The following ZSWIM6 variants were observed in gnomAD, a reference collection of about 807,000 sequenced individuals.
The protein encoded by ZSWIM6 is zinc finger SWIM-type containing 6.
ZSWIM6 carries 9 observed loss-of-function variants against 113.2 expected under a neutral mutation model. That is an observed-to-expected ratio of 0.08 (90% CI 0.05 to 0.14). The LOEUF (loss-of-function observed/expected upper bound fraction) is 0.14. ZSWIM6 is among the 10% of genes least tolerant of loss of function. The pLI is 1.00. For missense variants in ZSWIM6, 1,162 were observed against 1,552.2 expected, an observed-to-expected ratio of 0.75 and a Z score of 4.22; for synonymous variants, 611 against 606.5, an observed-to-expected ratio of 1.01 and a Z score of -0.11.
chr5:61,387,205 T>C (rs771844030), intron 1 of ZSWIM6, among the ~76,000 whole-genome samples: 1 of 152,220 alleles, frequency 6.6e-6, no homozygotes, highest in Admixed American at 6.5e-5. Context: ...TAAGATACAG[T>C]AAATTGGCTG....
intron 1 of ZSWIM6, among the ~76,000 whole-genome samples, chr5:61,333,608 T>A (rs1282414739): frequency 6.6e-6 from 1 of 150,638 alleles, no homozygotes; most frequent in African/African-American, 2.4e-5. Context: ...TTAAATGTCG[T>A]TTTCTTTGCG....
intron 1 of ZSWIM6, among the ~76,000 whole-genome samples, chr5:61,362,620 A>G (rs565014421): frequency 4.1e-4 from 62 of 152,244 alleles, no homozygotes; most frequent in Non-Finnish European, 5.9e-4. Context: ...TTCATCCTCT[A>G]TCTGCCCTCT....
chr5:61,375,005 G>T, intron 1 of ZSWIM6: 1 of 1,070,250 alleles, frequency 9.3e-7, no homozygotes. Context: ...GGAACACTAT[G>T]AAAAAGAAGA....
intron 3 of ZSWIM6, among the ~76,000 whole-genome samples, chr5:61,493,848 G>A (rs1336546757): frequency 6.6e-6 from 1 of 152,106 alleles, no homozygotes; most frequent in South Asian, 2.1e-4. Flanking sequence ...GTTTAGATAA[G>A]AGAGATACTT....
chr5:61,448,555 G>C (rs1056643638), intron 1 of ZSWIM6, among the ~76,000 whole-genome samples: 1 of 152,070 alleles, frequency 6.6e-6, no homozygotes, highest in African/African-American at 2.4e-5. Context: ...TAGTTTTCTA[G>C]TAAATGAGAT....
In ZSWIM6 at chr5:61,382,170, G is replaced by A. The variant is rs574804378; in HGVS notation, c.676+49222G>A. On this transcript the variant is annotated intron_variant, in intron 1 of 13. Coordinates refer to ENST00000252744, the MANE Select transcript of ZSWIM6 (RefSeq NM_020928.2). ...TCCTGCATGCTGTGTCATGCATGCC[G>A]ATTCTCTCCACACATAGCTGTCAGT... Among the ~76,000 whole-genome samples, 4 of 152,266 alleles carry A rather than the reference G, an allele frequency of 2.6e-5. No individual in the cohort carries two copies. In the East Asian group the frequency reaches 5.8e-4, roughly 22 times the overall value.
chr5:61,339,099 T>C (rs1479715791), intron 1 of ZSWIM6, among the ~76,000 whole-genome samples: 1 of 152,234 alleles, frequency 6.6e-6, no homozygotes, highest in Non-Finnish European at 1.5e-5. Flanking sequence ...TACACTCATA[T>C]TCACGGTTAA....
intron 1 of ZSWIM6, chr5:61,375,882 T>A: frequency 2.1e-6 from 2 of 953,316 alleles, no homozygotes; most frequent in South Asian, 3.0e-5. Context: ...GATTCCCTTA[T>A]AAAGAAAGTG....
At chr5:61,532,393 ATG>A (rs1348006030) in intron 9 of ZSWIM6, among the ~76,000 whole-genome samples, 1 of 152,174 alleles carries the variant, frequency 6.6e-6, no homozygotes, top group Non-Finnish European at 1.5e-5. Context: ...GAAAAGGTAA[ATG>A]TAATTCATGT....
At chr5:61,416,162 C>A (rs1416916136) in intron 1 of ZSWIM6, among the ~76,000 whole-genome samples, 1 of 152,142 alleles carries the variant, frequency 6.6e-6, no homozygotes, top group African/African-American at 2.4e-5. Flanking sequence ...CTGAATTAAT[C>A]CAGATTCTTG....
chr5:61,407,229 C>G (rs903223531), intron 1 of ZSWIM6, among the ~76,000 whole-genome samples: 1 of 152,132 alleles, frequency 6.6e-6, no homozygotes, highest in Non-Finnish European at 1.5e-5. Flanking sequence ...ATAAAGGTAG[C>G]ATTTCCAATC....
chr5:61,398,945 C>G (rs1169024670), intron 1 of ZSWIM6, among the ~76,000 whole-genome samples: 1 of 96,904 alleles, frequency 1.0e-5, no homozygotes, highest in Non-Finnish European at 1.9e-5. Flanking sequence ...TTTTTTGAGA[C>G]AGAATCTCGC....
At chr5:61,426,890 CAG>C (rs1316158999) in intron 1 of ZSWIM6, among the ~76,000 whole-genome samples, 2 of 150,878 alleles carry the variant, frequency 1.3e-5, no homozygotes, top group Non-Finnish European at 2.9e-5. Context: ...GTGTCCTTCT[CAG>C]GGTATCACAT....
chr5:61,456,528 G>A (rs1399247536), intron 1 of ZSWIM6, among the ~76,000 whole-genome samples: 1 of 152,188 alleles, frequency 6.6e-6, no homozygotes, highest in Non-Finnish European at 1.5e-5. Context: ...AAGTGGTCCA[G>A]GTAGCGTTTA....
chr5:61,342,969 TC>T (rs780261801), intron 1 of ZSWIM6, among the ~76,000 whole-genome samples: 12 of 152,344 alleles, frequency 7.9e-5, no homozygotes, highest in Non-Finnish European at 1.8e-4. Flanking sequence ...TTGATCATCT[TC>T]CATGAGATGT....
chr5:61,401,415 A>T lies in ZSWIM6; in HGVS notation c.676+68467A>T, dbSNP rs151301317. 1.2e-3 allele frequency among the ~76,000 whole-genome samples: 180 copies of T among 152,282 alleles called. 2 individuals are homozygous for T. The East Asian group carries it at 0.025, about 21-fold the overall frequency. On this transcript the variant is annotated intron_variant, in intron 1 of 13. Transcript: ENST00000252744. Reference sequence around the variant, plus strand: ...AAAAGCAATTCATAAAGAGAAACATACTGAAGTCTTACTCCAGATATCCTG... The same window carrying T: ...AAAAGCAATTCATAAAGAGAAACATTCTGAAGTCTTACTCCAGATATCCTG...
chr5:61,433,475 G>GT (rs548695220), intron 1 of ZSWIM6, among the ~76,000 whole-genome samples: 51,659 of 143,570 alleles, frequency 0.36, 9,196 homozygotes, highest in African/African-American at 0.41. Flanking sequence ...AGACTTAGTT[G>GT]TTTTTTTTTT....
chr5:61,384,854 G>C (rs1013264276), intron 1 of ZSWIM6, among the ~76,000 whole-genome samples: 3 of 152,088 alleles, frequency 2.0e-5, no homozygotes. Context: ...TCAGGAGATC[G>C]AGACCATCCT....
At chr5:61,378,320 G>A (rs997914025) in intron 1 of ZSWIM6, among the ~76,000 whole-genome samples, 18 of 152,068 alleles carry the variant, frequency 1.2e-4, no homozygotes, top group African/African-American at 3.9e-4. Context: ...AAAAGAATAA[G>A]GAAAATACTG....
Sources: gnomAD v4.1 joint callset for allele counts (sites outside exome capture counted in the v4.1 genomes callset) on GRCh38, gnomAD v4.1.1 for gene constraint, MANE v1.5 for transcripts, NCBI Gene and HGNC (gene_info 2026-07-23, HGNC 2026-07-21) for gene names.